Variants in ZNF268 observed in about 807,000 individuals in gnomAD.
ZNF268 encodes the protein zinc finger protein 268.
In ZNF268, 20 loss-of-function variants were observed where a neutral mutation model predicts 29.3. The observed-to-expected ratio is 0.68, with a 90% CI of 0.48 to 0.99. ZNF268 has a LOEUF of 0.99. ZNF268 is among the 50% of genes least tolerant of loss of function. ZNF268 has a pLI of 0.00. For missense variants in ZNF268, 1,240 were observed against 1,121.6 expected (o/e 1.11, Z -1.51); for synonymous variants, 429 against 376.9 (o/e 1.14, Z -1.60).
Position 133,203,722 on chromosome 12 carries a change from T to A in ZNF268, c.2036T>A (p.Leu679Ter). The A allele has an allele frequency of 6.5e-7, 1 of 1,548,754 alleles. No individual in the cohort carries two copies. Among genetic ancestry groups the A allele is most frequent in the East Asian group, 2.4e-5 (1 of 41,596 alleles). Residue 679 changes from leucine to a stop codon, truncating the protein, a stop_gained, in exon 6 of 6, where the codon TTG becomes TAG. Transcript: ENST00000536435. LOFTEE classifies it low-confidence loss of function (END_TRUNC). The stretch of plus-strand genomic sequence containing the variant: ...AGTCAATGTGCAAAAACCTTTAGTT[T>A]GAAGTCCCAGCTCATTGTACATCAG... ...GCSQCAKTFSLKSQLIVHQRS... is the reference protein window; with the variant it reads ...GCSQCAKTFS
rs189692343 is a variant in ZNF268, at chr12:133,200,277, C to T, written c.458-1867C>T. On this transcript the variant is annotated intron_variant, in intron 5 of 5. Transcript: ENST00000536435. The stretch of plus-strand genomic sequence containing the variant: ...AACATCTTTATTTCTGCCTTCATTT[C>T]GTTATGTACCCCATAGTCATTCAGG... Among the ~76,000 whole-genome samples, 340 of 152,238 alleles carry T rather than the reference C, an allele frequency of 2.2e-3. 2 individuals are homozygous for T. The highest frequency in any genetic ancestry group is 7.4e-3 in the African/African-American group (307 of 41,550).
chr12:133,198,656 C>A (rs1422834621), intron 5 of ZNF268, among the ~76,000 whole-genome samples: 1 of 151,844 alleles, frequency 6.6e-6, no homozygotes, highest in Non-Finnish European at 1.5e-5. Flanking sequence ...ATAGATTCTT[C>A]CTACCCATGA....
At position 133,183,073 on chromosome 12, in the gene ZNF268, C is replaced by T. The variant is rs187766855; in HGVS notation, c.33+1043C>T. ...CAAACCCTATTGTGAACTGCGCATG[C>T]GAAAGATCTAGGTTGCGCACTTCTT... On this transcript the variant is annotated intron_variant, in intron 2 of 5. Transcript: ENST00000536435. 3.9e-5 allele frequency among the ~76,000 whole-genome samples: 6 copies of T among 152,138 alleles called. No individual in the cohort carries two copies. The East Asian group carries it at 5.8e-4, about 15-fold the overall frequency.
Position 133,214,718 on chromosome 12 carries a change from A to C in ZNF268, c.*10188A>C, listed in dbSNP as rs1410162664. The C allele has an allele frequency of 6.6e-6, 1 of 152,184 alleles. No homozygotes were observed. The highest frequency in any genetic ancestry group is 1.5e-5 in the Non-Finnish European group (1 of 68,038). 9.4% of individuals were successfully genotyped at this position (152,184 alleles called of 1,614,324 possible). A position where few individuals can be genotyped will look rare whatever the true frequency, so the allele number is the denominator to read the frequency against. ...GTGATGAAACTATTTTGGAACTAAGAGGTGGTGGCTGCACAATGTTGTGCA... is the reference window on the plus strand; with the variant it reads ...GTGATGAAACTATTTTGGAACTAAGCGGTGGTGGCTGCACAATGTTGTGCA... On this transcript the variant is annotated 3_prime_UTR_variant, in exon 6 of 6. Coordinates refer to ENST00000536435, the MANE Select transcript of ZNF268 (RefSeq NM_003415.3).
rs774323342 is a variant in ZNF268 at position 133,191,842 on chromosome 12, C to T, written c.362-66C>T. 65 of 1,576,006 alleles carry T rather than the reference C, an allele frequency of 4.1e-5. No individual in the cohort carries two copies. In the East Asian group the frequency reaches 5.1e-4, roughly 12 times the overall value. On this transcript the variant is annotated intron_variant, in intron 4 of 5. Transcript: ENST00000536435. ...TGCTACCTCCAAACCAAATCTTTCCCGTTCTTCAGAATCTCTGAATCTCAA... is the reference window on the plus strand; with the variant it reads ...TGCTACCTCCAAACCAAATCTTTCCTGTTCTTCAGAATCTCTGAATCTCAA...
chr12:133,203,050 T>C lies in ZNF268; in HGVS notation c.1364T>C (p.Phe455Ser). The C allele has an allele frequency of 6.5e-7, 1 of 1,539,120 alleles. No individual in the cohort carries two copies. The highest frequency in any genetic ancestry group is 8.7e-7 in the Non-Finnish European group (1 of 1,147,674). Reference protein sequence around the residue: ...VCSDCGKAFTFKSQLIVHQGI... With the variant: ...VCSDCGKAFTSKSQLIVHQGI... ...AGTGATTGTGGAAAAGCCTTTACAT[T>C]CAAGTCACAGCTCATTGTACATCAG... The change falls in exon 6 of 6, where the codon TTC (phenylalanine) becomes TCC (serine). Residue 455 changes from phenylalanine (F) to serine (S), a missense_variant. Coordinates refer to ENST00000536435, the MANE Select transcript of ZNF268 (RefSeq NM_003415.3).
At chr12:133,185,631 T>C (rs1043573688) in intron 2 of ZNF268, among the ~76,000 whole-genome samples, 2 of 149,826 alleles carry the variant, frequency 1.3e-5, no homozygotes, top group African/African-American at 2.5e-5. Flanking sequence ...CCCGGGAGAG[T>C]GTGTGGCGCT....
At chr12:133,190,291 C>T (rs1210621163) in intron 3 of ZNF268, among the ~76,000 whole-genome samples, 5 of 152,116 alleles carry the variant, frequency 3.3e-5, no homozygotes, top group Middle Eastern at 3.2e-3. Context: ...TTTGCTTTGA[C>T]GTAAGTTTTC....
chr12:133,208,661 A>G lies in ZNF268; in HGVS notation c.*4131A>G, dbSNP rs1433123046. On this transcript the variant is annotated 3_prime_UTR_variant, in exon 6 of 6. Coordinates refer to ENST00000536435, the MANE Select transcript of ZNF268 (RefSeq NM_003415.3). Reference sequence around the variant, plus strand: ...CAAAGTGAGACCCTGTCTGTAAAAAACAAAGCAAAATTACAAGAATGCGCA... The same window carrying G: ...CAAAGTGAGACCCTGTCTGTAAAAAGCAAAGCAAAATTACAAGAATGCGCA... 6.6e-6 allele frequency: 1 copy of G among 152,264 alleles called. No homozygotes were observed. The highest frequency in any genetic ancestry group is 2.4e-5 in the African/African-American group (1 of 41,442). The allele number at this position is 152,264 out of a possible 1,614,324, so 9.4% of individuals were successfully genotyped here. A position where few individuals can be genotyped will look rare whatever the true frequency, so the allele number is the denominator to read the frequency against.
Position 133,209,521 on chromosome 12 carries a change from A to G in ZNF268, c.*4991A>G, listed in dbSNP as rs915254044. ...TTCAACATTGTTTCAACTACTTGTT[A>G]GAAACACAGGCCATTAAAACATTAA... On this transcript the variant is annotated 3_prime_UTR_variant, in exon 6 of 6. Coordinates refer to ENST00000536435, the MANE Select transcript of ZNF268 (RefSeq NM_003415.3). The G allele has an allele frequency of 2.4e-4, 36 of 152,360 alleles. No individual in the cohort carries two copies. Among genetic ancestry groups the G allele is most frequent in the African/African-American group, 7.5e-4 (31 of 41,588 alleles). The allele number at this position is 152,360 out of a possible 1,614,324, so 9.4% of individuals were successfully genotyped here. A position where few individuals can be genotyped will look rare whatever the true frequency, so the allele number is the denominator to read the frequency against.
At position 133,203,365 on chromosome 12, in the gene ZNF268, A is replaced by T. The variant is rs756304362; in HGVS notation, c.1679A>T (p.Glu560Val). 1.9e-6 allele frequency: 3 copies of T among 1,548,914 alleles called. No homozygotes were observed. Among genetic ancestry groups the T allele is most frequent in the South Asian group, 2.4e-5 (2 of 84,680 alleles). Residue 560 changes from glutamate to valine, a missense_variant, in exon 6 of 6, where the codon GAA becomes GTA. Glu to Val is a moderately radical substitution (Grantham distance 121). Around this residue, in one of 3 missense-constraint regions of ZNF268, gnomAD observed 1,177 missense variants for 1,039.6 expected, o/e 1.13. Coordinates refer to ENST00000536435, the MANE Select transcript of ZNF268 (RefSeq NM_003415.3). ...GGAGAGAACCCCTATGAATGCCATG[A>T]ATGTGGGAAAGCCTTCAGTCGGAAA... ...HTGENPYECH[E>V]CGKAFSRKYQ... is the part of the protein sequence containing the mutation.
In ZNF268 at chr12:133,205,224, G is replaced by C. The variant is rs1956877010; in HGVS notation, c.*694G>C. 1 of 146,268 alleles carries C rather than the reference G, an allele frequency of 6.8e-6. No homozygotes were observed. Among genetic ancestry groups the C allele is most frequent in the Non-Finnish European group, 1.5e-5 (1 of 66,782 alleles). The allele number at this position is 146,268 out of a possible 1,614,324, so 9.1% of individuals were successfully genotyped here. On this transcript the variant is annotated 3_prime_UTR_variant, in exon 6 of 6. Transcript: ENST00000536435. ...TAATTTTGAAGAATTATTTCTTTTA[G>C]GAATCATTTTAAGAAATTTTATTCC...
intron 5 of ZNF268, among the ~76,000 whole-genome samples, chr12:133,192,406 C>T (rs1375645350): frequency 6.6e-6 from 1 of 152,122 alleles, no homozygotes; most frequent in East Asian, 1.9e-4. Context: ...GCGTGCCCGG[C>T]CTTACCATCC....
In ZNF268 at chr12:133,205,144, T is replaced by TAAAAAAAAAAAAAAAAAAAAAAAAAA. The variant is rs1223672116; in HGVS notation, c.*618_*643dup. On this transcript the variant is annotated 3_prime_UTR_variant, in exon 6 of 6. Transcript: ENST00000536435. ...TAACCTCACCTTAGAAGCTTCATTCTAAAAAAAAAAAAAAAAAAAAAAAAA... is the reference window on the plus strand; with the variant it reads ...TAACCTCACCTTAGAAGCTTCATTCTAAAAAAAAAAAAAAAAAAAAAAAAAAAAAAAAAAAAAAAAAAAAAAAAAAA... 30 of 42,298 alleles carry TAAAAAAAAAAAAAAAAAAAAAAAAAA rather than the reference T, an allele frequency of 7.1e-4. 2 individuals carry two copies. Among genetic ancestry groups the TAAAAAAAAAAAAAAAAAAAAAAAAAA allele is most frequent in the Admixed American group, 1.1e-3 (3 of 2,778 alleles). 2.6% of individuals were successfully genotyped at this position (42,298 alleles called of 1,614,324 possible). A position where few individuals can be genotyped will look rare whatever the true frequency, so the allele number is the denominator to read the frequency against.
intron 5 of ZNF268, among the ~76,000 whole-genome samples, chr12:133,192,734 A>G (rs1956505558): frequency 6.6e-6 from 1 of 151,782 alleles, no homozygotes; most frequent in African/African-American, 2.4e-5. Context: ...CAGGGGTGCA[A>G]TCTCGGCTCA....
chr12:133,200,874 A>G (rs905415097), intron 5 of ZNF268, among the ~76,000 whole-genome samples: 1 of 152,016 alleles, frequency 6.6e-6, no homozygotes, highest in Admixed American at 6.6e-5. Flanking sequence ...CTCAGTATAG[A>G]AAGGTAATTT....
At chr12:133,195,225 G>A (rs1310890539) in intron 5 of ZNF268, among the ~76,000 whole-genome samples, 1 of 152,164 alleles carries the variant, frequency 6.6e-6, no homozygotes, top group Non-Finnish European at 1.5e-5. Context: ...GATTAAACTC[G>A]AGATGGTCGT....
rs1956803281 is a variant in ZNF268, at chr12:133,203,316, A to G, written c.1630A>G (p.Ile544Val). Reference sequence around the variant, plus strand: ...AGCCTTCAGTTTTAAATCACAGCTCATTATACATCAGAGGATTCATACAGG... The same window carrying G: ...AGCCTTCAGTTTTAAATCACAGCTCGTTATACATCAGAGGATTCATACAGG... ...GKAFSFKSQLIIHQRIHTGEN... is the reference protein window; with the variant it reads ...GKAFSFKSQLVIHQRIHTGEN... Residue 544 changes from isoleucine (I) to valine (V), a missense_variant, in exon 6 of 6, where the codon ATT (isoleucine) becomes GTT (valine). Coordinates refer to ENST00000536435, the MANE Select transcript of ZNF268 (RefSeq NM_003415.3). 6.5e-7 allele frequency: 1 copy of G among 1,543,258 alleles called. No individual in the cohort carries two copies. Among genetic ancestry groups the G allele is most frequent in the Non-Finnish European group, 8.7e-7 (1 of 1,148,624 alleles).
chr12:133,191,930 T>A lies in ZNF268; in HGVS notation c.384T>A (p.Asp128Glu). The change falls in exon 5 of 6, where the codon GAT (aspartate) becomes GAA (glutamate). Residue 128 changes from aspartate (D) to glutamate (E), a missense_variant. By Grantham distance (45) the Asp-to-Glu change is conservative. Coordinates refer to ENST00000536435, the MANE Select transcript of ZNF268 (RefSeq NM_003415.3). ...TAGGGTACCAACACACCAAACCTGA[T>A]ATCATCTTCAAGTTGGAACAAGGAG... ...VSLGYQHTKP[D>E]IIFKLEQGEE... 1 of 1,614,120 alleles carries A rather than the reference T, an allele frequency of 6.2e-7. No individual in the cohort carries two copies. The highest frequency in any genetic ancestry group is 1.1e-5 in the South Asian group (1 of 91,092).
Sources: allele counts gnomAD v4.1 joint callset (sites outside exome capture counted in the v4.1 genomes callset), GRCh38; gene constraint gnomAD v4.1.1; regional missense constraint gnomAD v4.1.1; transcripts MANE v1.5; gene names NCBI Gene and HGNC (gene_info 2026-07-23, HGNC 2026-07-21).